Variants in SYTL5 observed in about 807,000 individuals in gnomAD.
SYTL5 encodes the protein synaptotagmin like 5, also known as synaptotagmin-like protein 5.
Under a neutral mutation model 55.9 loss-of-function variants are expected in SYTL5, and 34 were observed. The observed-to-expected ratio is 0.61, with a 90% CI of 0.46 to 0.81. The LOEUF is 0.81. Ranked by LOEUF, SYTL5 falls within the 30% of genes least tolerant of loss-of-function variation. SYTL5 has a pLI of 0.00. For missense variants in SYTL5, 637 were observed against 546.7 expected (o/e 1.17, Z -1.65); for synonymous variants, 221 against 188.7 (o/e 1.17, Z -1.40).
chrX:38,079,048 C>T (rs1238075968), intron 6 of SYTL5, among the ~76,000 whole-genome samples: 1 of 111,944 alleles, frequency 8.9e-6, no homozygotes, highest in Non-Finnish European at 1.9e-5. Context: ...CATTAATGGA[C>T]TGCCACAGTG....
chrX:38,097,843 A>C (rs1936976282), intron 9 of SYTL5, among the ~76,000 whole-genome samples: 1 of 108,966 alleles, frequency 9.2e-6, no homozygotes, highest in Non-Finnish European at 1.9e-5. Flanking sequence ...GTATTGGCAT[A>C]AGCATTGGCA....
intron 1 of SYTL5, among the ~76,000 whole-genome samples, chrX:38,027,614 G>C (rs965189057): frequency 1.8e-5 from 2 of 111,906 alleles, no homozygotes; most frequent in Non-Finnish European, 3.8e-5. Flanking sequence ...ATCATGGTAA[G>C]ACCAATTTGA....
chrX:38,052,407 G>A (rs370713282), intron 2 of SYTL5, among the ~76,000 whole-genome samples: 25 of 111,765 alleles, frequency 2.2e-4, no homozygotes, highest in South Asian at 3.7e-4. Flanking sequence ...CAGTGTAGGC[G>A]TACTATAAGT....
intron 5 of SYTL5, among the ~76,000 whole-genome samples, chrX:38,074,819 T>C (rs1368482235): frequency 9.0e-6 from 1 of 111,192 alleles, no homozygotes; most frequent in African/African-American, 3.3e-5. Flanking sequence ...CTTCCTACCA[T>C]CTTGAGTTCA....
chrX:37,956,177 C>T, the SYTL5 span, among the ~76,000 whole-genome samples: 1 of 112,117 alleles, frequency 8.9e-6, no homozygotes, highest in African/African-American at 3.2e-5. Context: ...TTCACTTTGC[C>T]TAGTTGCTGG....
chrX:37,895,018 C>T, the SYTL5 span, among the ~76,000 whole-genome samples: 21,400 of 110,909 alleles, frequency 0.19, 4,050 homozygotes, highest in African/African-American at 0.59. Flanking sequence ...TCTATAATTG[C>T]GTGAGCCAAT....
At chrX:37,944,359 G>T in the SYTL5 span, among the ~76,000 whole-genome samples, 3 of 111,232 alleles carry the variant, frequency 2.7e-5, no homozygotes, top group Non-Finnish European at 5.7e-5. Flanking sequence ...AATAATTGAT[G>T]AGTATGTTTT....
At chrX:38,084,201 G>A (rs146857058) in intron 6 of SYTL5, among the ~76,000 whole-genome samples, 2,606 of 112,262 alleles carry the variant, frequency 0.023, 46 homozygotes, top group Non-Finnish European at 0.036. Flanking sequence ...AGAGTTCAGA[G>A]AACTTCTGGA....
intron 13 of SYTL5, among the ~76,000 whole-genome samples, chrX:38,111,163 T>C (rs1032932711): frequency 2.7e-5 from 3 of 112,048 alleles, no homozygotes; most frequent in African/African-American, 9.7e-5. Flanking sequence ...CCAAAGATTA[T>C]TGTTTATATA....
chrX:37,905,846 C>T, the SYTL5 span, among the ~76,000 whole-genome samples: 1 of 113,165 alleles, frequency 8.8e-6, no homozygotes. Flanking sequence ...GCGGGCTGTG[C>T]CTGGCGCGAC....
At chrX:37,976,112 G>T in the SYTL5 span, among the ~76,000 whole-genome samples, 1 of 112,306 alleles carries the variant, frequency 8.9e-6, no homozygotes, top group Non-Finnish European at 1.9e-5. Flanking sequence ...ATAACTGAAT[G>T]AAATGTGATC....
chrX:37,923,596 A>T, the SYTL5 span, among the ~76,000 whole-genome samples: 1 of 110,212 alleles, frequency 9.1e-6, no homozygotes, highest in African/African-American at 3.3e-5. Flanking sequence ...ATTCTCAGAT[A>T]TATTCTCAAA....
At chrX:38,107,535 T>C (rs1442880797) in intron 11 of SYTL5, among the ~76,000 whole-genome samples, 2 of 111,972 alleles carry the variant, frequency 1.8e-5, no homozygotes, top group Non-Finnish European at 1.9e-5. Context: ...GCATAAGCCA[T>C]ATTGTTTGTA....
intron 3 of SYTL5, among the ~76,000 whole-genome samples, chrX:38,065,515 T>TTCTGGATTTCATCATTGCTA (rs1436832182): frequency 3.6e-5 from 4 of 112,247 alleles, no homozygotes; most frequent in Non-Finnish European, 7.5e-5. Flanking sequence ...TGTCATTGGT[T>TTCTGGATTTCATCATTGCTA]TCTGGATTTC....
At chrX:38,106,558 A>G (rs760247696) in intron 10 of SYTL5, 35 bp from the exon 11 acceptor site, 2 of 1,117,912 alleles carry the variant, frequency 1.8e-6, no homozygotes, top group South Asian at 4.6e-5. Flanking sequence ...CATTAGAATG[A>G]CACTAGAAGC....
intron 15 of SYTL5, 85 bp downstream of exon 15, chrX:38,122,300 C>A: frequency 1.2e-6 from 1 of 862,710 alleles, no homozygotes; most frequent in South Asian, 3.0e-5. Context: ...GGCTGTGAGC[C>A]TTCCGTGTTC....
chrX:37,952,271 C>G, the SYTL5 span, among the ~76,000 whole-genome samples: 43,877 of 110,374 alleles, frequency 0.4, 6,315 homozygotes, highest in East Asian at 0.6. Context: ...AGAGTTAACT[C>G]TTCTGCACTT....
At chrX:38,108,163 C>A (rs1258343994) in intron 11 of SYTL5, among the ~76,000 whole-genome samples, 1 of 112,084 alleles carries the variant, frequency 8.9e-6, no homozygotes, top group Non-Finnish European at 1.9e-5. Flanking sequence ...TTTGTGAGAC[C>A]ATTAATATTA....
chrX:37,935,816 A>T, the SYTL5 span, among the ~76,000 whole-genome samples: 1 of 112,646 alleles, frequency 8.9e-6, no homozygotes, highest in Non-Finnish European at 1.9e-5. Context: ...AAATAAGGCA[A>T]TAATGGATGA....
Sources: allele counts gnomAD v4.1 joint callset (sites outside exome capture counted in the v4.1 genomes callset), GRCh38; gene constraint gnomAD v4.1.1; transcripts MANE v1.5; gene names NCBI Gene and HGNC (gene_info 2026-07-23, HGNC 2026-07-21).